NDST4: variants seen among roughly 807,000 people sequenced by gnomAD.
NDST4 encodes the protein N-deacetylase and N-sulfotransferase 4, also known as N-heparan sulfate sulfotransferase 4.
In NDST4, 63 loss-of-function variants were observed where a neutral mutation model predicts 100.8. That is an observed-to-expected ratio of 0.62 (90% confidence interval 0.51 to 0.77). NDST4 has a LOEUF of 0.77. Ranked by LOEUF, NDST4 falls within the 30% of genes least tolerant of loss-of-function variation. NDST4 has a pLI of 0.00. For synonymous variants in NDST4, 377 were observed against 361.8 expected, an observed-to-expected ratio of 1.04 and a Z score of -0.48; for missense variants, 943 against 1,018.4, an observed-to-expected ratio of 0.93 and a Z score of 1.01.
intron 1 of NDST4, among the ~76,000 whole-genome samples, chr4:115,100,695 CT>C: frequency 6.6e-6 from 1 of 152,010 alleles, no homozygotes; most frequent in Non-Finnish European, 1.5e-5. Context: ...CAAAATGACA[CT>C]TCTAAAATAC....
chr4:115,045,319 T>C (rs1728441912), intron 2 of NDST4, among the ~76,000 whole-genome samples: 1 of 152,166 alleles, frequency 6.6e-6, no homozygotes, highest in Non-Finnish European at 1.5e-5. Flanking sequence ...GCTGCCTATG[T>C]TGTGCAAAAA....
intron 6 of NDST4, among the ~76,000 whole-genome samples, chr4:114,881,908 G>A (rs1279585227): frequency 6.6e-6 from 1 of 151,942 alleles, no homozygotes; most frequent in African/African-American, 2.4e-5. Flanking sequence ...ACATTTTAAA[G>A]TTTCTATCAA....
At chr4:114,943,277 A>G (rs984292392) in intron 4 of NDST4, among the ~76,000 whole-genome samples, 8 of 151,684 alleles carry the variant, frequency 5.3e-5, no homozygotes, top group African/African-American at 1.7e-4. Flanking sequence ...TAATTTTTAA[A>G]TAGTATATTT....
chr4:114,919,791 A>C (rs758549274), intron 6 of NDST4, among the ~76,000 whole-genome samples: 4 of 152,164 alleles, frequency 2.6e-5, no homozygotes, highest in Non-Finnish European at 4.4e-5. Flanking sequence ...AGAGATAGCA[A>C]TTTTTCTGGG....
chr4:115,010,860 C>T (rs934259411), intron 2 of NDST4, among the ~76,000 whole-genome samples: 5 of 152,094 alleles, frequency 3.3e-5, no homozygotes, highest in African/African-American at 1.2e-4. Flanking sequence ...AGATGCTAGG[C>T]ACTTTGGTCA....
At chr4:115,086,577 G>C (rs115842969) in intron 1 of NDST4, among the ~76,000 whole-genome samples, 1,814 of 151,978 alleles carry the variant, frequency 0.012, 34 homozygotes, top group African/African-American at 0.041. Context: ...ATATTATATT[G>C]TAACATAATA....
intron 7 of NDST4, among the ~76,000 whole-genome samples, chr4:114,867,151 C>G (rs1022889146): frequency 6.6e-6 from 1 of 152,054 alleles, no homozygotes; most frequent in African/African-American, 2.4e-5. Context: ...AGCTAGATGT[C>G]CCTAATTTCT....
chr4:115,057,597 T>C (rs1728722833), intron 2 of NDST4, among the ~76,000 whole-genome samples: 4 of 152,136 alleles, frequency 2.6e-5, no homozygotes, highest in Admixed American at 6.6e-5. Context: ...CCTTAGTTTA[T>C]AGTACACATC....
At chr4:115,067,166 C>T (rs190554996) in intron 2 of NDST4, among the ~76,000 whole-genome samples, 2 of 152,278 alleles carry the variant, frequency 1.3e-5, no homozygotes, top group East Asian at 3.9e-4. Flanking sequence ...TCACATACTG[C>T]TTGCTTGACT....
chr4:114,840,810 G>A (rs1230637195), intron 10 of NDST4, among the ~76,000 whole-genome samples: 1 of 152,136 alleles, frequency 6.6e-6, no homozygotes, highest in Non-Finnish European at 1.5e-5. Flanking sequence ...GTGAGTGATG[G>A]ATCTTATGTG....
intron 1 of NDST4, among the ~76,000 whole-genome samples, chr4:115,107,353 C>T (rs183448439): frequency 2.7e-4 from 41 of 152,168 alleles, no homozygotes; most frequent in Non-Finnish European, 4.6e-4. Context: ...GAAAGTGACA[C>T]TAAATAGTGT....
At chr4:115,074,126 C>G (rs986084248) in intron 2 of NDST4, among the ~76,000 whole-genome samples, 3 of 151,752 alleles carry the variant, frequency 2.0e-5, no homozygotes, top group African/African-American at 7.3e-5. Flanking sequence ...ACACACATAG[C>G]CTTTCTGATT....
chr4:114,955,764 A>G (rs1236413385), intron 4 of NDST4: 1 of 152,196 alleles, frequency 6.6e-6, no homozygotes, highest in East Asian at 1.9e-4. Context: ...AAGAAAATCT[A>G]CTACAAATGG....
rs770993074 is a variant in NDST4 at position 114,839,590 on chromosome 4, T to A, written c.2116-42A>T. On this transcript the variant is annotated intron_variant, in intron 10 of 13. Coordinates refer to ENST00000264363, the MANE Select transcript of NDST4 (RefSeq NM_022569.3). ...AATTGTAAAGTTAGATTTTTTTTAA[T>A]GCCTGTGTAGATATGCATATGTGTA... The A allele has an allele frequency of 4.2e-5, 67 of 1,598,210 alleles. No homozygotes were observed. The Admixed American group carries it at 1.0e-3, about 24-fold the overall frequency.
intron 2 of NDST4, among the ~76,000 whole-genome samples, chr4:115,045,048 A>C (rs1728435988): frequency 6.6e-6 from 1 of 152,004 alleles, no homozygotes; most frequent in Non-Finnish European, 1.5e-5. Context: ...ATCTGATAGT[A>C]ACAGAGTTGA....
At chr4:115,075,025 C>T (rs1729150613) in intron 2 of NDST4, among the ~76,000 whole-genome samples, 1 of 152,110 alleles carries the variant, frequency 6.6e-6, no homozygotes, top group Admixed American at 6.6e-5. Context: ...TGCACCTAAT[C>T]TAGTGTAACA....
chr4:115,049,969 A>T (rs1162922922), intron 2 of NDST4, among the ~76,000 whole-genome samples: 1 of 152,164 alleles, frequency 6.6e-6, no homozygotes, highest in Non-Finnish European at 1.5e-5. Context: ...TATTAATGAG[A>T]GGGTATTGCC....
At chr4:114,844,051 C>T (rs1322051332) in intron 10 of NDST4, among the ~76,000 whole-genome samples, 1 of 129,584 alleles carries the variant, frequency 7.7e-6, no homozygotes, top group Non-Finnish European at 1.6e-5. Context: ...TCATCTAGGG[C>T]CCACATTGGA....
intron 2 of NDST4, among the ~76,000 whole-genome samples, chr4:115,012,778 G>A (rs964589315): frequency 1.3e-5 from 2 of 151,882 alleles, no homozygotes; most frequent in African/African-American, 4.8e-5. Context: ...GCCAAAACGT[G>A]GAAGCAATCT....
Sources: gnomAD v4.1 joint callset for allele counts (sites outside exome capture counted in the v4.1 genomes callset) on GRCh38, gnomAD v4.1.1 for gene constraint, MANE v1.5 for transcripts, NCBI Gene and HGNC (gene_info 2026-07-23, HGNC 2026-07-21) for gene names.